Variants in PDE7B observed in about 807,000 individuals in gnomAD.
The protein encoded by PDE7B is 3',5'-cyclic-AMP phosphodiesterase 7B.
In PDE7B, 29 loss-of-function variants were observed where a neutral mutation model predicts 56.2. The ratio of observed to expected loss-of-function variants is 0.52; its 90% confidence interval spans 0.38 to 0.70. The LOEUF (loss-of-function observed/expected upper bound fraction) is 0.70, where lower values mean the gene tolerates loss of function less well. PDE7B is among the 30% of genes least tolerant of loss of function. The pLI is 0.00. For synonymous variants in PDE7B, 197 were observed against 196.9 expected (o/e 1.00, Z 0.00); for missense variants, 490 against 565.0 (o/e 0.87, Z 1.35).
chr6:136,090,852 A>T (rs74299319), intron 2 of PDE7B, among the ~76,000 whole-genome samples: 2 of 152,100 alleles, frequency 1.3e-5, no homozygotes, highest in Non-Finnish European at 2.9e-5. Flanking sequence ...CTTTATGCCA[A>T]CCTCTAAGAA....
intron 1 of PDE7B, among the ~76,000 whole-genome samples, chr6:135,913,143 C>G (rs1776240609): frequency 6.6e-6 from 1 of 152,180 alleles, no homozygotes; most frequent in African/African-American, 2.4e-5. Flanking sequence ...TCTTTTTAAT[C>G]TACAAAACAA....
chr6:136,192,071 T>G lies in PDE7B; in HGVS notation c.*231T>G, dbSNP rs1779238771. ...AAATGAGCAACTCCATTCAGTAACG[T>G]GGGAGCTGATCCCACGGGCAGGCTC... On this transcript the variant is annotated 3_prime_UTR_variant, in exon 13 of 13. Transcript: ENST00000308191. 1.8e-6 allele frequency: 1 copy of G among 548,088 alleles called. No individual in the cohort carries two copies. Among genetic ancestry groups the G allele is most frequent in the Non-Finnish European group, 3.3e-6 (1 of 303,156 alleles). 34.0% of individuals were successfully genotyped at this position (548,088 alleles called of 1,614,324 possible).
chr6:135,855,449 G>C (rs886864137), intron 1 of PDE7B, among the ~76,000 whole-genome samples: 1 of 152,144 alleles, frequency 6.6e-6, no homozygotes, highest in East Asian at 1.9e-4. Flanking sequence ...TGCAGAGGAG[G>C]CAGCTCTATG....
chr6:136,110,698 T>C (rs986058994), intron 3 of PDE7B, among the ~76,000 whole-genome samples: 6 of 151,404 alleles, frequency 4.0e-5, no homozygotes, highest in Admixed American at 3.3e-4. Flanking sequence ...ATCTACATCA[T>C]AGGATTCTGC....
At chr6:136,055,118 G>A (rs1357613579) in intron 2 of PDE7B, among the ~76,000 whole-genome samples, 1 of 152,190 alleles carries the variant, frequency 6.6e-6, no homozygotes, top group Non-Finnish European at 1.5e-5. Context: ...AGAGCCAAAT[G>A]TCTGGCACAG....
chr6:136,004,459 G>C (rs11508308), intron 2 of PDE7B, among the ~76,000 whole-genome samples: 46,835 of 152,034 alleles, frequency 0.31, 8,003 homozygotes, highest in Admixed American at 0.43. Context: ...AAACCCCATT[G>C]TCTCAGCTCG....
At chr6:136,025,420 G>T (rs1488843361) in intron 2 of PDE7B, among the ~76,000 whole-genome samples, 1 of 152,166 alleles carries the variant, frequency 6.6e-6, no homozygotes, top group Non-Finnish European at 1.5e-5. Context: ...AAGATTTAGA[G>T]TATCTACTAT....
At chr6:136,053,847 C>T (rs4569983) in intron 2 of PDE7B, among the ~76,000 whole-genome samples, 78,627 of 151,128 alleles carry the variant, frequency 0.52, 21,327 homozygotes, top group African/African-American at 0.69. Flanking sequence ...TTTGGCTGCA[C>T]AAATGTCTTC....
chr6:136,070,117 C>T (rs1777021475), intron 2 of PDE7B: 1 of 150,566 alleles, frequency 6.6e-6, no homozygotes, highest in Admixed American at 6.6e-5. Context: ...TATTCAGCTG[C>T]ACTGTATCTT....
At chr6:136,147,172 A>AG (rs1375315957) in intron 3 of PDE7B, among the ~76,000 whole-genome samples, 179 bp from the exon 4 acceptor site, 1 of 151,862 alleles carries the variant, frequency 6.6e-6, no homozygotes, top group Non-Finnish European at 1.5e-5. Context: ...TTAAAAAAAA[A>AG]ACAAATATCA....
At chr6:135,906,672 T>A (rs547116099) in intron 1 of PDE7B, among the ~76,000 whole-genome samples, 53 of 152,324 alleles carry the variant, frequency 3.5e-4, no homozygotes, top group African/African-American at 1.2e-3. Flanking sequence ...GGATTATATA[T>A]AAATTCTCTG....
chr6:136,050,635 GTACATGTGCCCATAAGC>G (rs1447668733), intron 2 of PDE7B, among the ~76,000 whole-genome samples: 1 of 152,134 alleles, frequency 6.6e-6, no homozygotes, highest in Non-Finnish European at 1.5e-5. Flanking sequence ...TGGGTCTGTG[GTACATGTGCCCATAAGC>G]TACTGAGGAT....
At chr6:136,054,370 T>C (rs1217735042) in intron 2 of PDE7B, among the ~76,000 whole-genome samples, 8 of 152,238 alleles carry the variant, frequency 5.3e-5, no homozygotes, top group Admixed American at 1.3e-4. Context: ...GTTGTAGATA[T>C]GTGGCATTAT....
intron 1 of PDE7B, among the ~76,000 whole-genome samples, chr6:135,890,930 C>T (rs1775799855): frequency 6.6e-6 from 1 of 151,700 alleles, no homozygotes; most frequent in South Asian, 2.1e-4. Flanking sequence ...GAACAGTTAA[C>T]TGTATAAAAG....
At chr6:136,061,979 G>A (rs560348993) in intron 2 of PDE7B, among the ~76,000 whole-genome samples, 38 of 152,250 alleles carry the variant, frequency 2.5e-4, no homozygotes, top group Admixed American at 4.6e-4. Context: ...CTTATGGAGC[G>A]TGCGATCTAG....
intron 2 of PDE7B, among the ~76,000 whole-genome samples, chr6:135,949,588 AC>A (rs1409159436): frequency 6.6e-6 from 1 of 152,126 alleles, no homozygotes. Flanking sequence ...CAAACACCTT[AC>A]ATAATTAGAT....
chr6:135,858,494 C>A (rs1775081151), intron 1 of PDE7B, among the ~76,000 whole-genome samples: 1 of 152,166 alleles, frequency 6.6e-6, no homozygotes, highest in South Asian at 2.1e-4. Flanking sequence ...TAATTTCTTT[C>A]TTTGACCCTT....
At chr6:136,056,035 G>C (rs956245211) in intron 2 of PDE7B, among the ~76,000 whole-genome samples, 1 of 152,170 alleles carries the variant, frequency 6.6e-6, no homozygotes, top group Non-Finnish European at 1.5e-5. Context: ...AAAGGAAAAA[G>C]AAGACGGGAG....
intron 1 of PDE7B, among the ~76,000 whole-genome samples, chr6:135,862,294 G>T (rs1020164753): frequency 6.6e-6 from 1 of 151,454 alleles, no homozygotes; most frequent in African/African-American, 2.4e-5. Flanking sequence ...AATACTTTTC[G>T]TATGACTTTT....
Sources: allele counts gnomAD v4.1 joint callset (sites outside exome capture counted in the v4.1 genomes callset), GRCh38; gene constraint gnomAD v4.1.1; transcripts MANE v1.5; gene names NCBI Gene and HGNC (gene_info 2026-07-23, HGNC 2026-07-21).